The following LARP1B variants were observed in gnomAD, a reference collection of about 807,000 sequenced individuals.
LARP1B encodes La ribonucleoprotein 1B, also known as la-related protein 1B.
A neutral mutation model predicts 114.2 loss-of-function variants in LARP1B; 76 were observed. The observed-to-expected ratio is 0.67, with a 90% CI of 0.55 to 0.81. The LOEUF is 0.81. Among genes scored for constraint, LARP1B ranks in the 30% least tolerant of loss-of-function variants. The probability of loss-of-function intolerance (pLI) is 0.00; values close to 1 mark genes in which losing one functional copy is unlikely to be tolerated. For synonymous variants in LARP1B, 345 were observed against 348.0 expected (o/e 0.99, Z 0.10); for missense variants, 1,014 against 1,075.8 (o/e 0.94, Z 0.80).
intron 12 of LARP1B, among the ~76,000 whole-genome samples, chr4:128,165,653 A>C (rs1224177022): frequency 6.6e-6 from 1 of 152,096 alleles, no homozygotes; most frequent in Non-Finnish European, 1.5e-5. Flanking sequence ...TATTCCCTAT[A>C]CCTGCTCCAA....
At chr4:128,134,438 A>G (rs1792606949) in intron 11 of LARP1B, among the ~76,000 whole-genome samples, 1 of 152,210 alleles carries the variant, frequency 6.6e-6, no homozygotes, top group Admixed American at 6.5e-5. Flanking sequence ...ACCATAAATG[A>G]AGATTAATTA....
At chr4:128,126,363 T>C (rs564249508) in intron 11 of LARP1B, among the ~76,000 whole-genome samples, 125 of 152,290 alleles carry the variant, frequency 8.2e-4, no homozygotes, top group African/African-American at 2.8e-3. Flanking sequence ...CCTCAAGTGA[T>C]CTGCTTACCT....
chr4:128,220,202 C>T (rs909768044), intron 6 of LARP1B, among the ~76,000 whole-genome samples: 19 of 152,136 alleles, frequency 1.2e-4, no homozygotes, highest in African/African-American at 3.6e-4. Context: ...ATTTTTTAAG[C>T]TTATGTTAGT....
intron 1 of LARP1B, among the ~76,000 whole-genome samples, chr4:128,067,707 C>A (rs1279984686): frequency 2.5e-5 from 3 of 120,300 alleles, no homozygotes; most frequent in Admixed American, 1.0e-4. Context: ...TTTTGGATAC[C>A]TCCTTTTTTT....
At chr4:128,062,080 G>T in intron 1 of LARP1B, 2 of 985,418 alleles carry the variant, frequency 2.0e-6, no homozygotes, top group Non-Finnish European at 2.4e-6. Context: ...CCCGGGAAGA[G>T]GTGGCAGCTG....
intron 10 of LARP1B, among the ~76,000 whole-genome samples, chr4:128,116,866 A>G (rs1453215277): frequency 1.3e-5 from 2 of 149,652 alleles, no homozygotes; most frequent in African/African-American, 4.9e-5. Flanking sequence ...TTGTCATCTT[A>G]TGAAAGTCAG....
intron 17 of LARP1B, 83 bp downstream of exon 17, chr4:128,200,748 G>T: frequency 1.0e-6 from 1 of 972,940 alleles, no homozygotes; most frequent in Non-Finnish European, 1.5e-6. Context: ...TCCGATAGAG[G>T]GAGTTTTTAG....
At chr4:128,191,525 G>T (rs1752275993) in intron 15 of LARP1B, among the ~76,000 whole-genome samples, 1 of 152,074 alleles carries the variant, frequency 6.6e-6, no homozygotes, top group Non-Finnish European at 1.5e-5. Context: ...CACAAACATT[G>T]GAGCACTGCC....
chr4:128,125,060 A>G (rs1366401271), intron 11 of LARP1B, among the ~76,000 whole-genome samples: 1 of 152,218 alleles, frequency 6.6e-6, no homozygotes, highest in Non-Finnish European at 1.5e-5. Flanking sequence ...GCTGAAGACT[A>G]CTAAAATGAT....
intron 17 of LARP1B, among the ~76,000 whole-genome samples, chr4:128,202,337 C>T (rs1048708235): frequency 6.6e-6 from 1 of 152,202 alleles, no homozygotes; most frequent in Admixed American, 6.5e-5. Flanking sequence ...GTGGTTCTAA[C>T]ATGCTTTAAA....
At chr4:128,107,012 G>A in intron 8 of LARP1B, 127 bp from the exon 9 acceptor site, 1 of 711,564 alleles carries the variant, frequency 1.4e-6, no homozygotes, top group Non-Finnish European at 2.3e-6. Flanking sequence ...GTTAACTTAT[G>A]GATTTTTTAG....
chr4:128,159,456 A>G (rs1737393848), intron 11 of LARP1B, among the ~76,000 whole-genome samples: 2 of 152,158 alleles, frequency 1.3e-5, no homozygotes, highest in South Asian at 2.1e-4. Context: ...TGTCATTTTG[A>G]GAATGTTACA....
At chr4:128,185,934 G>A (rs1691284800) in intron 15 of LARP1B, among the ~76,000 whole-genome samples, 1 of 152,094 alleles carries the variant, frequency 6.6e-6, no homozygotes, top group Admixed American at 6.6e-5. Flanking sequence ...CGAAGTGACT[G>A]TCCTTTCTTC....
intron 17 of LARP1B, 63 bp from the exon 18 acceptor site, chr4:128,206,365 A>G: frequency 1.1e-6 from 1 of 899,242 alleles, no homozygotes; most frequent in Non-Finnish European, 1.7e-6. Context: ...GTTTGCTTAT[A>G]TTGATGTTAC....
intron 1 of LARP1B, among the ~76,000 whole-genome samples, chr4:128,068,444 T>C (rs1462589074): frequency 6.6e-6 from 1 of 151,736 alleles, no homozygotes; most frequent in Non-Finnish European, 1.5e-5. Context: ...CCTCAGCTTC[T>C]CAAGTAGCTA....
intron 12 of LARP1B, among the ~76,000 whole-genome samples, chr4:128,171,949 TAG>T (rs900256131): frequency 6.6e-6 from 1 of 151,456 alleles, no homozygotes; most frequent in African/African-American, 2.4e-5. Flanking sequence ...TTACAGCAAA[TAG>T]AGTGTGATGT....
intron 11 of LARP1B, among the ~76,000 whole-genome samples, chr4:128,150,826 C>G (rs757549772): frequency 1.1e-4 from 17 of 152,206 alleles, no homozygotes; most frequent in Admixed American, 3.3e-4. Flanking sequence ...TTCACATTGA[C>G]ATGAATGGGA....
intron 11 of LARP1B, among the ~76,000 whole-genome samples, chr4:128,125,284 A>C (rs571669994): frequency 6.6e-6 from 1 of 152,292 alleles, no homozygotes; most frequent in South Asian, 2.1e-4. Context: ...TTTAATTGGT[A>C]CCCAAAAGTG....
At chr4:128,122,476 T>C (rs1336097828) in intron 11 of LARP1B, 1 of 1,526,388 alleles carries the variant, frequency 6.6e-7, no homozygotes, top group East Asian at 2.4e-5. Flanking sequence ...TTTGTTTTTG[T>C]TTTAGGTGAC....
Sources: allele counts gnomAD v4.1 joint callset (sites outside exome capture counted in the v4.1 genomes callset), GRCh38; gene constraint gnomAD v4.1.1; transcripts MANE v1.5; gene names NCBI Gene and HGNC (gene_info 2026-07-23, HGNC 2026-07-21).